ALG3: variants seen among roughly 807,000 people sequenced by gnomAD.
ALG3 encodes ALG3 alpha-1,3- mannosyltransferase.
In ALG3, 39 loss-of-function variants were observed where a neutral mutation model predicts 50.5. That is an observed-to-expected ratio of 0.77 (90% CI 0.60 to 1.01). The LOEUF (loss-of-function observed/expected upper bound fraction) is 1.01. ALG3 is among the 50% of genes least tolerant of loss of function. The pLI is 0.00. For synonymous variants in ALG3, 252 were observed against 237.2 expected (o/e 1.06, Z -0.58); for missense variants, 520 against 554.8 (o/e 0.94, Z 0.63).
Position 184,245,632 on chromosome 3 carries a change from A to T in ALG3, c.297-17T>A. ...GCTGGGTACCTGGAAGATGAGAGAA[A>T]ATGTGAGCCTGGGTCAGGTCACACA... On this transcript the variant is annotated splice_polypyrimidine_tract_variant and intron_variant, in intron 2 of 8. Transcript: ENST00000397676. The T allele has an allele frequency of 6.2e-7, 1 of 1,612,196 alleles. No homozygotes were observed. The highest frequency in any genetic ancestry group is 8.5e-7 in the Non-Finnish European group (1 of 1,179,054).
intron 3 of ALG3, 29 bp from the exon 4 acceptor site, chr3:184,245,387 G>T (rs999440968): frequency 6.2e-7 from 1 of 1,613,334 alleles, no homozygotes; most frequent in Non-Finnish European, 8.5e-7. Context: ...AAGGTACAAG[G>T]TCAGCTCAGC....
chr3:184,245,833 C>A, intron 1 of ALG3, 21 bp from the exon 2 acceptor site: 2 of 1,592,086 alleles, frequency 1.3e-6, no homozygotes, highest in South Asian at 2.2e-5. Context: ...ACAAGATGAT[C>A]TGGTTACTTC....
chr3:184,246,994 TC>T (rs1270886422), intron 1 of ALG3, among the ~76,000 whole-genome samples: 1 of 152,086 alleles, frequency 6.6e-6, no homozygotes, highest in African/African-American at 2.4e-5. Context: ...AACCACCATC[TC>T]CCCGGTTCGA....
chr3:184,246,838 G>A (rs909896190), intron 1 of ALG3, among the ~76,000 whole-genome samples: 1 of 151,654 alleles, frequency 6.6e-6, no homozygotes, highest in Non-Finnish European at 1.5e-5. Context: ...CACCATGCTT[G>A]GCTAATTTTT....
At chr3:184,244,344 G>T in intron 5 of ALG3, 1 of 545,386 alleles carries the variant, frequency 1.8e-6, no homozygotes, top group Non-Finnish European at 3.2e-6. Flanking sequence ...AGGAGTTTGA[G>T]ACCAGCCTGG....
At chr3:184,243,718 C>T (rs1718965171) in intron 6 of ALG3, 73 bp downstream of exon 6, 1 of 1,593,216 alleles carries the variant, frequency 6.3e-7, no homozygotes, top group Non-Finnish European at 8.6e-7. Flanking sequence ...ACACTTCCCC[C>T]AAGCAGCCCC....
rs759079933 is a variant in ALG3 at position 184,244,621 on chromosome 3, C to T, written c.706G>A (p.Gly236Arg). ...GGTACCTGAAGGCCAGCACAGATTC[C>T]CAGCTTGGGGAGGGCCCCACGGAAG... ...FGFRGALPKL[G>R]ICAGLQVVLG... The change falls in exon 5 of 9, where the codon GGA (glycine) becomes AGA (arginine). Residue 236 changes from glycine to arginine, a missense_variant. By Grantham distance (125) the Gly-to-Arg change is moderately radical. Around this residue, in one of 3 missense-constraint regions of ALG3, gnomAD observed 224 missense variants for 272.8 expected, o/e 0.82. Coordinates refer to ENST00000397676, the MANE Select transcript of ALG3 (RefSeq NM_005787.6). 3.0e-5 allele frequency: 49 copies of T among 1,610,378 alleles called. No homozygotes were observed. Among genetic ancestry groups the T allele is most frequent in the Non-Finnish European group, 3.8e-5 (45 of 1,178,530 alleles).
chr3:184,245,102 T>C, intron 4 of ALG3, 96 bp downstream of exon 4: 1 of 1,492,596 alleles, frequency 6.7e-7, no homozygotes, highest in Non-Finnish European at 9.2e-7. Context: ...TGACCCATGC[T>C]GTCTTGGCTA....
In ALG3 at chr3:184,245,184, G is replaced by T. The variant is rs764939365; in HGVS notation, c.605+14C>A. 1 of 1,613,780 alleles carries T rather than the reference G, an allele frequency of 6.2e-7. No individual in the cohort carries two copies. Among genetic ancestry groups the T allele is most frequent in the South Asian group, 1.1e-5 (1 of 91,036 alleles). On this transcript the variant is annotated intron_variant, in intron 4 of 8. Transcript: ENST00000397676. The stretch of plus-strand genomic sequence containing the variant: ...CAGAAAACGAGAGGGGACCAGAAAG[G>T]AAGAGGTGTTGACCTGAAAAAGCAG...
At chr3:184,249,144 T>C (rs548236396), upstream of ALG3, 1 of 1,534,472 alleles carries the variant, frequency 6.5e-7, no homozygotes, top group South Asian at 1.2e-5. Flanking sequence ...GGACAATGTC[T>C]TACTCCTCAG....
intron 1 of ALG3, among the ~76,000 whole-genome samples, chr3:184,247,112 C>T (rs1342043857): frequency 6.6e-6 from 1 of 151,838 alleles, no homozygotes; most frequent in Non-Finnish European, 1.5e-5. Flanking sequence ...ACATATTGGC[C>T]AGGCTGGTGT....
At chr3:184,248,016 CTTT>C (rs575235372) in intron 1 of ALG3, among the ~76,000 whole-genome samples, 3 of 125,360 alleles carry the variant, frequency 2.4e-5, no homozygotes, top group East Asian at 2.4e-4. Context: ...CGGCTAAATT[CTTT>C]TTTTTTTTTT....
chr3:184,247,869 G>A (rs1429048633), intron 1 of ALG3, among the ~76,000 whole-genome samples: 1 of 148,730 alleles, frequency 6.7e-6, no homozygotes, highest in Non-Finnish European at 1.5e-5. Flanking sequence ...TTTTTGAGAC[G>A]GAGTCTTGCT....
intron 1 of ALG3, 28 bp downstream of exon 1, chr3:184,248,708 TCCCTCCCTC>T: frequency 6.9e-7 from 1 of 1,442,372 alleles, no homozygotes; most frequent in Non-Finnish European, 9.4e-7. Flanking sequence ...GGTTCAGGTC[TCCCTCCCTC>T]CCCTCCCCTC....
Position 184,243,964 on chromosome 3 carries a change from G to A in ALG3, c.759C>T (p.Asn253=). The A allele has an allele frequency of 6.2e-7, 1 of 1,613,554 alleles. No individual in the cohort carries two copies. The highest frequency in any genetic ancestry group is 8.5e-7 in the Non-Finnish European group (1 of 1,179,866). The change falls in exon 6 of 9, where the codon AAC becomes AAT. Residue 253 remains asparagine, a synonymous_variant. Transcript: ENST00000397676. Reference sequence around the variant, plus strand: ...AGGAGCGGGACAGGTAGCCGCTGGGGTTCTCCAGCAGGAAGGGCAGCCCCA... The same window carrying A: ...AGGAGCGGGACAGGTAGCCGCTGGGATTCTCCAGCAGGAAGGGCAGCCCCA... The part of the protein sequence containing the change: ...VVLGLPFLLE[N]PSGYLSRSFD...
upstream of ALG3, chr3:184,249,254 C>T (rs1421021876): frequency 1.2e-6 from 2 of 1,612,596 alleles, no homozygotes; most frequent in Non-Finnish European, 8.5e-7. Flanking sequence ...AGCCAGCATT[C>T]TCCTTCGCCT....
upstream of ALG3, chr3:184,249,117 A>G (rs752199306): frequency 2.7e-6 from 4 of 1,463,308 alleles, no homozygotes; most frequent in Non-Finnish European, 3.8e-6. Context: ...GATGCACTCC[A>G]CGCTCCATAG....
intron 8 of ALG3, 38 bp downstream of exon 8, chr3:184,242,775 T>C: frequency 6.2e-7 from 1 of 1,611,424 alleles, no homozygotes; most frequent in South Asian, 1.1e-5. Context: ...AGGAACTCCC[T>C]ATCCCTTCCC....
upstream of ALG3, chr3:184,249,238 C>T (rs933339196): frequency 1.6e-5 from 25 of 1,612,708 alleles, no homozygotes; most frequent in Non-Finnish European, 2.0e-5. Flanking sequence ...CCCCCACAAC[C>T]GCTGAAGCCA....
Sources: gnomAD v4.1 joint callset for allele counts (sites outside exome capture counted in the v4.1 genomes callset) on GRCh38, gnomAD v4.1.1 for gene constraint, gnomAD v4.1.1 regional missense constraint, MANE v1.5 for transcripts, NCBI Gene and HGNC (gene_info 2026-07-23, HGNC 2026-07-21) for gene names.